ANKFN1: variants seen among roughly 807,000 people sequenced by gnomAD.
The protein encoded by ANKFN1 is ankyrin repeat and fibronectin type III domain containing 1, also known as ankyrin repeat and fibronectin type-III domain-containing protein 1.
A neutral mutation model predicts 108.7 loss-of-function variants in ANKFN1; 74 were observed. The ratio of observed to expected loss-of-function variants is 0.68; its 90% CI spans 0.56 to 0.83. The LOEUF (loss-of-function observed/expected upper bound fraction) is 0.83, where lower values mean the gene tolerates loss of function less well. ANKFN1 is among the 40% of genes least tolerant of loss of function. The pLI is 0.00. For missense variants in ANKFN1, 1,505 were observed against 1,382.3 expected, an observed-to-expected ratio of 1.09 and a Z score of -1.41; for synonymous variants, 547 against 516.2, an observed-to-expected ratio of 1.06 and a Z score of -0.81.
At position 56,337,124 on chromosome 17, in the gene ANKFN1, G is replaced by A. The variant is rs549688785; in HGVS notation, c.188+10769G>A. ...TCTGTTCTTTTACATTTGCTGAGGA[G>A]TGCTCTACTTCCAACTATGTGGTCA... On this transcript the variant is annotated intron_variant, in intron 4 of 20. Transcript: ENST00000682825. 5.9e-5 allele frequency among the ~76,000 whole-genome samples: 9 copies of A among 152,272 alleles called. No homozygotes were observed. The South Asian group carries it at 1.7e-3, about 28-fold the overall frequency.
chr17:56,161,850 T>C (rs1909686639), intron 1 of ANKFN1, among the ~76,000 whole-genome samples: 1 of 151,930 alleles, frequency 6.6e-6, no homozygotes, highest in Non-Finnish European at 1.5e-5. Context: ...TAAAAGAAAA[T>C]AATTTGTAGA....
At chr17:56,360,735 C>A (rs2046495033) in intron 6 of ANKFN1, among the ~76,000 whole-genome samples, 1 of 152,134 alleles carries the variant, frequency 6.6e-6, no homozygotes, top group African/African-American at 2.4e-5. Context: ...CATCAGATGG[C>A]CAAAACCTAA....
rs187356274 is a variant in ANKFN1, at chr17:56,241,795, T to C, written c.53+13838T>C. Among the ~76,000 whole-genome samples the C allele has an allele frequency of 1.4e-3, 218 of 152,248 alleles. 1 individual carries two copies. The highest frequency in any genetic ancestry group is 5.0e-3 in the African/African-American group (207 of 41,568). On this transcript the variant is annotated intron_variant, in intron 3 of 20. Transcript: ENST00000682825. ...CACTAGTCTTCTGCTTTGGGGCCAT[T>C]ATTAAGTAAAATAAGGATTACTTAT...
chr17:56,381,416 A>G (rs1236537870), intron 8 of ANKFN1, among the ~76,000 whole-genome samples: 2 of 152,222 alleles, frequency 1.3e-5, no homozygotes, highest in Admixed American at 6.5e-5. Flanking sequence ...CTCACCAGCA[A>G]CGGAACAAAG....
chr17:56,257,877 C>T (rs141043149), intron 3 of ANKFN1: 3 of 152,382 alleles, frequency 2.0e-5, no homozygotes, highest in Non-Finnish European at 4.4e-5. Flanking sequence ...TCTTCCCTCT[C>T]TCTAACCCCT....
chr17:56,105,304 A>C (rs571826160), intron 4 of ANKFN1, among the ~76,000 whole-genome samples: 1 of 152,176 alleles, frequency 6.6e-6, no homozygotes, highest in African/African-American at 2.4e-5. Flanking sequence ...GAGGACAGGC[A>C]GAGGACGAGG....
chr17:56,442,918 TG>T lies in ANKFN1; in HGVS notation c.1085del (p.Cys362LeufsTer59). The T allele has an allele frequency of 6.2e-7, 1 of 1,613,756 alleles. No individual in the cohort carries two copies. Among genetic ancestry groups the T allele is most frequent in the East Asian group, 2.2e-5 (1 of 44,872 alleles). On this transcript the variant is annotated frameshift_variant, in exon 10 of 21. Coordinates refer to ENST00000682825, the MANE Select transcript of ANKFN1 (RefSeq NM_001370326.1). LOFTEE classifies it high-confidence loss of function. ...ACCTGCTCAGACCACGACACCGGCA[TG>T]TGCCTCTCCTTCTAGTAGGTGGTGG... ...WGPAQTTTPA[C>X]ASPSNWKDYD...
In ANKFN1 at chr17:56,289,241, GA is replaced by G; in HGVS notation, c.54-36979del. Among the ~76,000 whole-genome samples the G allele has an allele frequency of 2.0e-5, 3 of 152,324 alleles. 1 individual carries two copies. The highest frequency in any genetic ancestry group is 2.0e-4 in the Admixed American group (3 of 15,302). On this transcript the variant is annotated intron_variant, in intron 3 of 20. Transcript: ENST00000682825. The stretch of plus-strand genomic sequence containing the variant: ...TTATAGTTCCTGAGAGTTATGCCAT[GA>G]GGGTAGGGGAGAGCCTCACTTTAGA...
chr17:56,312,753 G>A (rs1449757629), intron 3 of ANKFN1, among the ~76,000 whole-genome samples: 1 of 152,244 alleles, frequency 6.6e-6, no homozygotes, highest in East Asian at 1.9e-4. Flanking sequence ...GTATTATAGT[G>A]AATAAGGGAT....
intron 4 of ANKFN1, among the ~76,000 whole-genome samples, chr17:56,346,371 G>C (rs2046100322): frequency 6.6e-6 from 1 of 152,010 alleles, no homozygotes; most frequent in Admixed American, 6.6e-5. Context: ...TGGCTATACG[G>C]GCTCTTTTTT....
chr17:56,456,835 A>C (rs1201158921), intron 11 of ANKFN1, 26 bp from the exon 12 acceptor site: 2 of 1,592,104 alleles, frequency 1.3e-6, no homozygotes, highest in Non-Finnish European at 1.7e-6. Context: ...TGGAATTTAT[A>C]CTGTATTTTT....
rs147930957 is a variant in ANKFN1, at chr17:56,221,728, A to G, written c.13-6189A>G. ...CGAACACAGTTATCTGTAGATGGGA[A>G]AAGCTGAAGCTCGGCCTACATTTGT... On this transcript the variant is annotated intron_variant, in intron 2 of 20. Transcript: ENST00000682825. 2.4e-4 allele frequency among the ~76,000 whole-genome samples: 37 copies of G among 152,354 alleles called. 1 individual carries two copies. In the East Asian group the frequency reaches 6.6e-3, roughly 27 times the overall value.
intron 11 of ANKFN1, among the ~76,000 whole-genome samples, chr17:56,455,751 G>T (rs912505012): frequency 3.9e-5 from 6 of 152,212 alleles, no homozygotes; most frequent in Non-Finnish European, 8.8e-5. Context: ...CATGTTATAA[G>T]CAGAAGACCT....
At chr17:56,508,097 C>G (rs2051627098) in intron 20 of ANKFN1, among the ~76,000 whole-genome samples, 1 of 152,224 alleles carries the variant, frequency 6.6e-6, no homozygotes, top group Non-Finnish European at 1.5e-5. Context: ...ACAACCACAG[C>G]TCTTGCTTAG....
chr17:56,496,874 A>G (rs922061545), intron 19 of ANKFN1, among the ~76,000 whole-genome samples: 2 of 152,092 alleles, frequency 1.3e-5, no homozygotes, highest in African/African-American at 4.8e-5. Context: ...TAAAAACTGA[A>G]AATTTTATAA....
At chr17:56,227,583 C>G (rs1361586547) in intron 2 of ANKFN1, among the ~76,000 whole-genome samples, 1 of 152,108 alleles carries the variant, frequency 6.6e-6, no homozygotes, top group African/African-American at 2.4e-5. Flanking sequence ...GTCTAAGCCA[C>G]TGAATGAGCC....
rs564327345 is a variant in ANKFN1 at position 56,272,884 on chromosome 17, T to C, written c.53+44927T>C. Among the ~76,000 whole-genome samples, 257 of 152,178 alleles carry C rather than the reference T, an allele frequency of 1.7e-3. 1 individual carries two copies. The highest frequency in any genetic ancestry group is 3.0e-3 in the Non-Finnish European group (205 of 68,008). ...GTAGAAGGGATCCTAATTCCACAGT[T>C]ACCCTGACTGTCTGGGAAAATGTTT... On this transcript the variant is annotated intron_variant, in intron 3 of 20. Transcript: ENST00000682825.
At chr17:56,224,357 G>T (rs1392526104) in intron 2 of ANKFN1, among the ~76,000 whole-genome samples, 1 of 152,068 alleles carries the variant, frequency 6.6e-6, no homozygotes, top group African/African-American at 2.4e-5. Flanking sequence ...ACATAAAATA[G>T]AATTAATTCA....
intron 4 of ANKFN1, among the ~76,000 whole-genome samples, chr17:56,339,448 T>C (rs958092281): frequency 1.3e-5 from 2 of 152,102 alleles, no homozygotes; most frequent in African/African-American, 4.8e-5. Flanking sequence ...TTCCTGATCC[T>C]CTCCCTCTTC....
Sources: allele counts gnomAD v4.1 joint callset (sites outside exome capture counted in the v4.1 genomes callset), GRCh38; gene constraint gnomAD v4.1.1; transcripts MANE v1.5; gene names NCBI Gene and HGNC (gene_info 2026-07-23, HGNC 2026-07-21).